Variants in ANK2 observed in about 807,000 individuals in gnomAD.
ANK2 encodes ankyrin 2.
Under a neutral mutation model 360.5 loss-of-function variants are expected in ANK2, and 83 were observed. That is an observed-to-expected ratio of 0.23 (90% CI 0.19 to 0.28). The LOEUF (loss-of-function observed/expected upper bound fraction) is 0.28, where lower values mean the gene tolerates loss of function less well. Ranked by LOEUF, ANK2 falls within the 10% of genes least tolerant of loss-of-function variation. ANK2 has a pLI of 1.00. For missense variants in ANK2, 4,201 were observed against 4,795.7 expected, an observed-to-expected ratio of 0.88 and a Z score of 3.66; for synonymous variants, 1,740 against 1,759.5, an observed-to-expected ratio of 0.99 and a Z score of 0.28.
intron 1 of ANK2, among the ~76,000 whole-genome samples, chr4:113,168,753 T>C (rs979486057): frequency 3.3e-5 from 5 of 152,220 alleles, no homozygotes; most frequent in Admixed American, 2.6e-4. Context: ...ATGCAGTTCT[T>C]GGCTGAACCC....
At chr4:113,176,452 A>G (rs2098203898) in intron 2 of ANK2, among the ~76,000 whole-genome samples, 1 of 152,078 alleles carries the variant, frequency 6.6e-6, no homozygotes, top group South Asian at 2.1e-4. Context: ...TTTCATTATG[A>G]ATCATTTTAT....
At position 112,841,179 on chromosome 4, in the gene ANK2, T is replaced by C. The variant is rs963771057; in HGVS notation, c.-40+22915T>C. Among the ~76,000 whole-genome samples, 6 of 122,598 alleles carry C rather than the reference T, an allele frequency of 4.9e-5. No individual in the cohort carries two copies. In the South Asian group the frequency reaches 8.1e-4, roughly 16 times the overall value. The allele number at this position is 122,598 out of a possible 152,430, so 80.4% of individuals were successfully genotyped here. A position where few individuals can be genotyped will look rare whatever the true frequency, so the allele number is the denominator to read the frequency against. ...ATCTGGTCCTTCACTGCCTGAAGAC[T>C]GGATGCACTATTTTTAGAGACAAAG... On this transcript the variant is annotated intron_variant, in intron 1 of 30. Transcript: ENST00000503271.
At chr4:113,230,514 CAA>C (rs376508854) in intron 4 of ANK2, among the ~76,000 whole-genome samples, 1 of 137,238 alleles carries the variant, frequency 7.3e-6, no homozygotes, top group African/African-American at 2.7e-5. Flanking sequence ...GACTCCATCT[CAA>C]AAAAAAAAAA....
At chr4:113,361,976 C>T (rs891594904) in intron 39 of ANK2, among the ~76,000 whole-genome samples, 5 of 152,198 alleles carry the variant, frequency 3.3e-5, no homozygotes, top group African/African-American at 9.6e-5. Flanking sequence ...ATCTTCTAGC[C>T]GTGTGCCTCA....
chr4:112,864,826 A>T (rs1213737421), intron 1 of ANK2, among the ~76,000 whole-genome samples: 1 of 150,542 alleles, frequency 6.6e-6, no homozygotes. Context: ...AGGTCAGGAG[A>T]TTGAGACCAT....
intron 2 of ANK2, among the ~76,000 whole-genome samples, chr4:113,002,826 T>C (rs368206046): frequency 1.3e-5 from 2 of 152,274 alleles, no homozygotes; most frequent in African/African-American, 4.8e-5. Flanking sequence ...TCCTCCCACT[T>C]CCTCTAAGAT....
intron 13 of ANK2, among the ~76,000 whole-genome samples, chr4:113,261,754 C>A (rs990301968): frequency 1.3e-5 from 2 of 151,928 alleles, no homozygotes; most frequent in Non-Finnish European, 2.9e-5. Context: ...AAATTAGATT[C>A]TATATCTAAC....
At chr4:113,210,359 TG>T (rs1315434236) in intron 4 of ANK2, among the ~76,000 whole-genome samples, 1 of 152,228 alleles carries the variant, frequency 6.6e-6, no homozygotes, top group Non-Finnish European at 1.5e-5. Flanking sequence ...TTGAGGCATA[TG>T]TCAAAAAAAC....
chr4:113,301,378 TACACACAC>T (rs59844602), intron 22 of ANK2, among the ~76,000 whole-genome samples: 65,016 of 149,448 alleles, frequency 0.44, 14,528 homozygotes, highest in South Asian at 0.55. Context: ...GATGTTTTGA[TACACACAC>T]ACACACACAC....
chr4:113,133,053 C>G (rs2096160659), intron 1 of ANK2, among the ~76,000 whole-genome samples: 1 of 152,168 alleles, frequency 6.6e-6, no homozygotes, highest in South Asian at 2.1e-4. Flanking sequence ...TCTTCACTGA[C>G]ACCAGCAAGA....
intron 22 of ANK2, among the ~76,000 whole-genome samples, chr4:113,301,400 C>T (rs1051465801): frequency 2.0e-5 from 3 of 151,896 alleles, no homozygotes; most frequent in Admixed American, 2.0e-4. Context: ...CACACACACA[C>T]ACACACACAC....
At chr4:113,197,284 A>C (rs2098761750) in intron 3 of ANK2, among the ~76,000 whole-genome samples, 1 of 152,254 alleles carries the variant, frequency 6.6e-6, no homozygotes, top group Non-Finnish European at 1.5e-5. Context: ...CTCATTTTAA[A>C]AGAAATGCAC....
intron 2 of ANK2, among the ~76,000 whole-genome samples, chr4:113,033,274 C>T (rs2060811950): frequency 6.6e-6 from 1 of 151,956 alleles, no homozygotes; most frequent in Non-Finnish European, 1.5e-5. Context: ...GTGTAACCTT[C>T]TTATTTTAGA....
At chr4:112,772,469 C>G in the ANK2 span, among the ~76,000 whole-genome samples, 1 of 152,058 alleles carries the variant, frequency 6.6e-6, no homozygotes, top group African/African-American at 2.4e-5. Flanking sequence ...ATATCAGTGC[C>G]TTATTTTGGA....
At chr4:112,784,501 TC>T in the ANK2 span, among the ~76,000 whole-genome samples, 1 of 151,650 alleles carries the variant, frequency 6.6e-6, no homozygotes, top group African/African-American at 2.4e-5. Flanking sequence ...CTGCCACCAC[TC>T]CCGGCTAATT....
At chr4:113,056,556 C>T (rs938840194) in intron 1 of ANK2, among the ~76,000 whole-genome samples, 1 of 152,032 alleles carries the variant, frequency 6.6e-6, no homozygotes, top group East Asian at 1.9e-4. Flanking sequence ...GGACACTGGT[C>T]GGATACATCA....
intron 1 of ANK2, among the ~76,000 whole-genome samples, chr4:113,056,771 G>C (rs1217907171): frequency 4.6e-5 from 7 of 152,124 alleles, no homozygotes; most frequent in Non-Finnish European, 7.4e-5. Flanking sequence ...AAGCTGCAGG[G>C]AGAAGGGAAA....
At chr4:113,277,043 T>C (rs1382455166) in intron 15 of ANK2, among the ~76,000 whole-genome samples, 5 of 152,184 alleles carry the variant, frequency 3.3e-5, no homozygotes, top group Non-Finnish European at 5.9e-5. Context: ...CTTATCTGTA[T>C]TTATAACACA....
intron 4 of ANK2, among the ~76,000 whole-genome samples, chr4:113,211,842 G>C (rs886566052): frequency 6.6e-6 from 1 of 152,158 alleles, no homozygotes; most frequent in Admixed American, 6.5e-5. Flanking sequence ...AGTATATGGA[G>C]AACAAACCTA....
Sources: allele counts gnomAD v4.1 joint callset (sites outside exome capture counted in the v4.1 genomes callset), GRCh38; gene constraint gnomAD v4.1.1; transcripts MANE v1.5; gene names NCBI Gene and HGNC (gene_info 2026-07-23, HGNC 2026-07-21).